The following DNAJC6 variants were observed in gnomAD, a reference collection of about 807,000 sequenced individuals.
DNAJC6 encodes the protein DnaJ heat shock protein family (Hsp40) member C6, also known as auxilin.
In DNAJC6, 34 loss-of-function variants were observed where a neutral mutation model predicts 110.0. The observed-to-expected ratio is 0.31, with a 90% confidence interval of 0.24 to 0.41. The LOEUF is 0.41. Among genes scored for constraint, DNAJC6 ranks in the 10% least tolerant of loss-of-function variants. The pLI is 1.00. For missense variants in DNAJC6, 1,031 were observed against 1,207.8 expected (o/e 0.85, Z 2.17); for synonymous variants, 406 against 437.2 (o/e 0.93, Z 0.89).
intron 15 of DNAJC6, 116 bp from the exon 16 acceptor site, chr1:65,405,754 C>T (rs765203199): frequency 8.2e-5 from 101 of 1,236,858 alleles, no homozygotes; most frequent in Non-Finnish European, 1.1e-4. Context: ...AGGAAGATTA[C>T]TTATGCTGTC....
intron 4 of DNAJC6, among the ~76,000 whole-genome samples, chr1:65,371,810 G>A (rs1007314698): frequency 3.3e-5 from 5 of 152,140 alleles, no homozygotes; most frequent in Admixed American, 6.5e-5. Context: ...GAAAACTGGC[G>A]ACAGCATTGC....
intron 1 of DNAJC6, among the ~76,000 whole-genome samples, chr1:65,301,118 C>T (rs1290814523): frequency 6.6e-6 from 1 of 152,108 alleles, no homozygotes; most frequent in Middle Eastern, 3.2e-3. Context: ...TGAGAGAAGT[C>T]GATCACAGAA....
At chr1:65,362,637 G>A (rs1645608819) in intron 1 of DNAJC6, among the ~76,000 whole-genome samples, 2 of 152,290 alleles carry the variant, frequency 1.3e-5, no homozygotes, top group South Asian at 4.1e-4. Flanking sequence ...CTATTTTACA[G>A]ATGGGAAGAA....
At chr1:65,275,798 G>C (rs930615214) in intron 1 of DNAJC6, among the ~76,000 whole-genome samples, 3 of 151,456 alleles carry the variant, frequency 2.0e-5, no homozygotes, top group African/African-American at 7.3e-5. Flanking sequence ...GCCTATCTTA[G>C]AGCTTACTGG....
In DNAJC6 at chr1:65,405,952, G is replaced by A. The variant is rs113490907; in HGVS notation, c.2310G>A (p.Ala770=). ...GFPPLSSPQK[A]SPQPMGGGWQ... is the part of the protein sequence containing the mutation. ...CGCCTCTCAGCTCGCCACAGAAGGC[G>A]TCTCCCCAGCCTATGGGTGGCGGGT... The change falls in exon 16 of 19, where the codon GCG becomes GCA. Residue 770 remains alanine (A), a synonymous_variant. Transcript: ENST00000371069. 37 of 1,614,174 alleles carry A rather than the reference G, an allele frequency of 2.3e-5. No homozygotes were observed. Among genetic ancestry groups the A allele is most frequent in the Middle Eastern group, 1.6e-4 (1 of 6,062 alleles).
At chr1:65,381,027 T>C (rs1216628486) in intron 5 of DNAJC6, among the ~76,000 whole-genome samples, 1 of 148,390 alleles carries the variant, frequency 6.7e-6, no homozygotes, top group Non-Finnish European at 1.5e-5. Context: ...CGAGTGATTC[T>C]CCTGCCTCAG....
In DNAJC6 at chr1:65,406,054, G is replaced by A; in HGVS notation, c.2412G>A (p.Gln804=). 1 of 1,614,134 alleles carries A rather than the reference G, an allele frequency of 6.2e-7. No homozygotes were observed. Among genetic ancestry groups the A allele is most frequent in the East Asian group, 2.2e-5 (1 of 44,854 alleles). The change falls in exon 16 of 19, where the codon CAG becomes CAA. Residue 804 remains glutamine (Q), a synonymous_variant. Transcript: ENST00000371069. The part of the protein sequence containing the change: ...PQPSMPHSSP[Q]NRPNYNVSFS... ...CCAGCATGCCCCACTCCTCTCCCCAGAACCGACCCAACTACAACGTGAGCT... is the reference window on the plus strand; with the variant it reads ...CCAGCATGCCCCACTCCTCTCCCCAAAACCGACCCAACTACAACGTGAGCT...
chr1:65,388,933 AG>A (rs1328364275), intron 9 of DNAJC6, among the ~76,000 whole-genome samples: 9 of 152,158 alleles, frequency 5.9e-5, no homozygotes, highest in African/African-American at 2.2e-4. Flanking sequence ...TAGATGTTCA[AG>A]GGCTCAGGAC....
At chr1:65,344,401 AG>A (rs983749218) in intron 1 of DNAJC6, among the ~76,000 whole-genome samples, 4 of 152,176 alleles carry the variant, frequency 2.6e-5, no homozygotes, top group Admixed American at 1.3e-4. Context: ...GAAGACAGGG[AG>A]GGTGGCTGTA....
At chr1:65,324,548 G>A (rs1296670261) in intron 1 of DNAJC6, among the ~76,000 whole-genome samples, 5 of 151,962 alleles carry the variant, frequency 3.3e-5, no homozygotes, top group Admixed American at 1.3e-4. Context: ...TAGTAGAGAC[G>A]GGGTTTCACC....
intron 1 of DNAJC6, among the ~76,000 whole-genome samples, chr1:65,276,539 C>T (rs1049443927): frequency 6.6e-6 from 1 of 152,074 alleles, no homozygotes; most frequent in Non-Finnish European, 1.5e-5. Flanking sequence ...TCTCCTAATC[C>T]CAGGCCCCTA....
At chr1:65,275,091 G>A (rs1056453078) in intron 1 of DNAJC6, among the ~76,000 whole-genome samples, 1 of 151,940 alleles carries the variant, frequency 6.6e-6, no homozygotes, top group African/African-American at 2.4e-5. Context: ...ATTTATTAAA[G>A]CCCCATAGGA....
chr1:65,407,010 T>C (rs533719287), intron 16 of DNAJC6, among the ~76,000 whole-genome samples: 38 of 152,304 alleles, frequency 2.5e-4, no homozygotes, highest in Non-Finnish European at 5.4e-4. Context: ...TCCCCCTTTA[T>C]TTGTGGTTTT....
intron 1 of DNAJC6, among the ~76,000 whole-genome samples, chr1:65,266,156 G>T (rs185988898): frequency 2.6e-5 from 4 of 152,182 alleles, no homozygotes; most frequent in Non-Finnish European, 5.9e-5. Flanking sequence ...CTCTCTGCGC[G>T]CAGCGCCGCG....
intron 1 of DNAJC6, among the ~76,000 whole-genome samples, chr1:65,272,494 G>T (rs988552145): frequency 6.6e-6 from 1 of 152,142 alleles, no homozygotes; most frequent in Non-Finnish European, 1.5e-5. Context: ...ATTTCCTTTT[G>T]TTGTGGTGCC....
intron 1 of DNAJC6, among the ~76,000 whole-genome samples, chr1:65,354,542 A>G (rs1402698212): frequency 1.3e-5 from 2 of 152,206 alleles, no homozygotes; most frequent in Non-Finnish European, 2.9e-5. Flanking sequence ...CACTTAATTC[A>G]TTCTCCTATG....
rs556615866 is a variant in DNAJC6 at position 65,384,355 on chromosome 1, C to T, written c.800+29C>T. On this transcript the variant is annotated intron_variant, in intron 6 of 18. Coordinates refer to ENST00000371069, the MANE Select transcript of DNAJC6 (RefSeq NM_001256864.2). ...AAGTAAGCTAGATGCAGGCTAGGCA[C>T]AGATGTAGTCTAATTGGTATCATGT... is the stretch of plus-strand genomic sequence containing the variant. The T allele has an allele frequency of 3.3e-6, 5 of 1,498,020 alleles. No individual in the cohort carries two copies. In the South Asian group the frequency reaches 5.6e-5, roughly 17 times the overall value. The allele number at this position is 1,498,020 out of a possible 1,614,324, so 92.8% of individuals were successfully genotyped here.
chr1:65,398,465 ATAGT>A, intron 13 of DNAJC6, among the ~76,000 whole-genome samples: 1 of 152,218 alleles, frequency 6.6e-6, no homozygotes, highest in East Asian at 1.9e-4. Context: ...CACACATAAG[ATAGT>A]TCTTTCCTGA....
chr1:65,349,129 A>T (rs1184157586), intron 1 of DNAJC6, among the ~76,000 whole-genome samples: 3 of 146,598 alleles, frequency 2.0e-5, no homozygotes, highest in African/African-American at 4.9e-5. Context: ...TATATATATA[A>T]ATATATATGT....
Sources: gnomAD v4.1 joint callset for allele counts (sites outside exome capture counted in the v4.1 genomes callset) on GRCh38, gnomAD v4.1.1 for gene constraint, MANE v1.5 for transcripts, NCBI Gene and HGNC (gene_info 2026-07-23, HGNC 2026-07-21) for gene names.